The following PCDHAC1 variants were observed in gnomAD, a reference collection of about 807,000 sequenced individuals.
The protein encoded by PCDHAC1 is protocadherin alpha-C1.
PCDHAC1 carries 42 observed loss-of-function variants against 60.0 expected under a neutral mutation model. The observed-to-expected ratio is 0.70, with a 90% CI of 0.55 to 0.90. PCDHAC1 has a LOEUF of 0.90. PCDHAC1 is among the 40% of genes least tolerant of loss of function. The pLI is 0.00. For missense variants in PCDHAC1, 1,160 were observed against 1,222.3 expected, an observed-to-expected ratio of 0.95 and a Z score of 0.76; for synonymous variants, 468 against 499.3, an observed-to-expected ratio of 0.94 and a Z score of 0.84.
rs782548172 is a variant in PCDHAC1, at chr5:140,927,172, G to A, written c.280G>A (p.Val94Ile). The change falls in exon 1 of 4, where the codon GTC becomes ATC. Residue 94 changes from valine to isoleucine, a missense_variant. By Grantham distance (29) the Val-to-Ile change is conservative. Coordinates refer to ENST00000253807, the MANE Select transcript of PCDHAC1 (RefSeq NM_018898.5). Reference sequence around the variant, plus strand: ...GCTGTGCAGGGCCAAAGCTGCCTGCGTCTTGACCTACGACCTGGTGCTCGA... The same window carrying A: ...GCTGTGCAGGGCCAAAGCTGCCTGCATCTTGACCTACGACCTGGTGCTCGA... Reference protein sequence around the residue: ...EQLCRAKAACVLTYDLVLEDP... With the variant: ...EQLCRAKAACILTYDLVLEDP... The A allele has an allele frequency of 4.3e-6, 7 of 1,614,034 alleles. No individual in the cohort carries two copies. The highest frequency in any genetic ancestry group is 4.5e-5 in the East Asian group (2 of 44,880).
At chr5:141,009,463 A>C in intron 3 of PCDHAC1, 164 bp from the exon 4 acceptor site, 1 of 954,884 alleles carries the variant, frequency 1.0e-6, no homozygotes, top group Non-Finnish European at 1.2e-6. Context: ...AAACAAATAA[A>C]TAAATAAGTA....
intron 1 of PCDHAC1, among the ~76,000 whole-genome samples, chr5:140,934,109 A>G (rs2089636629): frequency 6.6e-6 from 1 of 151,948 alleles, no homozygotes; most frequent in Non-Finnish European, 1.5e-5. Flanking sequence ...CTATTTTATT[A>G]ATTTTCATAC....
intron 1 of PCDHAC1, chr5:140,967,401 G>T (rs374310490): frequency 1.2e-6 from 2 of 1,611,944 alleles, no homozygotes; most frequent in Non-Finnish European, 1.7e-6. Flanking sequence ...CTGGTGCTGC[G>T]TAAGGGCCTA....
At chr5:140,956,924 G>A (rs2095321295) in intron 1 of PCDHAC1, among the ~76,000 whole-genome samples, 2 of 151,898 alleles carry the variant, frequency 1.3e-5, no homozygotes, top group Non-Finnish European at 2.9e-5. Flanking sequence ...TAATCTTGCT[G>A]GATATAGGAT....
chr5:140,967,889 C>T, intron 1 of PCDHAC1: 1 of 1,614,146 alleles, frequency 6.2e-7, no homozygotes, highest in Non-Finnish European at 8.5e-7. Context: ...TAGCCCAGTG[C>T]CTGAGAATGC....
At position 140,926,798 on chromosome 5, in the gene PCDHAC1, C is replaced by G; in HGVS notation, c.-95C>G. On this transcript the variant is annotated 5_prime_UTR_variant, in exon 1 of 4. Transcript: ENST00000253807. ...CAGTGACGGCCGGCAGGAGCGTGCT[C>G]TTCCCCGCGGCTCGTGCTCTCCAGG... 2 of 1,455,342 alleles carry G rather than the reference C, an allele frequency of 1.4e-6. No individual in the cohort carries two copies. Among genetic ancestry groups the G allele is most frequent in the Non-Finnish European group, 1.8e-6 (2 of 1,107,008 alleles). The allele number at this position is 1,455,342 out of a possible 1,614,324, so 90.2% of individuals were successfully genotyped here. A position where few individuals can be genotyped will look rare whatever the true frequency, so the allele number is the denominator to read the frequency against.
At chr5:140,977,043 T>G (rs2096743110) in intron 1 of PCDHAC1, among the ~76,000 whole-genome samples, 1 of 152,226 alleles carries the variant, frequency 6.6e-6, no homozygotes. Flanking sequence ...AGGATGTTGT[T>G]GCTGATGGAC....
intron 2 of PCDHAC1, among the ~76,000 whole-genome samples, chr5:140,981,521 C>T (rs894639773): frequency 1.3e-5 from 2 of 152,208 alleles, no homozygotes; most frequent in South Asian, 4.1e-4. Flanking sequence ...TTGCAGTGAG[C>T]TGAGATCGTG....
intron 1 of PCDHAC1, among the ~76,000 whole-genome samples, chr5:140,951,286 T>G (rs537000082): frequency 7.9e-5 from 12 of 152,352 alleles, no homozygotes; most frequent in African/African-American, 2.6e-4. Context: ...TAATTTTGGA[T>G]TATATCTTGA....
intron 3 of PCDHAC1, among the ~76,000 whole-genome samples, chr5:140,994,821 T>C (rs2097651680): frequency 6.6e-6 from 1 of 152,052 alleles, no homozygotes. Flanking sequence ...AAAAACTGAA[T>C]TGTGTAGTCT....
At chr5:140,968,729 A>G (rs1563381706) in intron 1 of PCDHAC1, 1 of 1,614,134 alleles carries the variant, frequency 6.2e-7, no homozygotes, top group Non-Finnish European at 8.5e-7. Flanking sequence ...GAGTGGTAGC[A>G]CTTTCAACCT....
chr5:140,938,226 A>G lies in PCDHAC1; in HGVS notation c.2433+8901A>G, dbSNP rs529190111. On this transcript the variant is annotated intron_variant, in intron 1 of 3. Transcript: ENST00000253807. ...CTCCCAAAGTGCTGGGATTACAGGC[A>G]TAGGCCACCATGCCTGGTCTTTTAA... Among the ~76,000 whole-genome samples the G allele has an allele frequency of 3.3e-5, 5 of 152,330 alleles. No individual in the cohort carries two copies. In the South Asian group the frequency reaches 1.0e-3, roughly 32 times the overall value.
intron 1 of PCDHAC1, among the ~76,000 whole-genome samples, chr5:140,933,667 C>A (rs2089323484): frequency 6.6e-6 from 1 of 151,936 alleles, no homozygotes. Flanking sequence ...CTCTCTCTGT[C>A]TCTCTCACAT....
chr5:140,986,397 C>G (rs943993265), intron 3 of PCDHAC1, among the ~76,000 whole-genome samples: 1 of 152,162 alleles, frequency 6.6e-6, no homozygotes. Context: ...AAGGGCCAGT[C>G]GCTCATGTTA....
rs553616030 is a variant in PCDHAC1 at position 140,929,209 on chromosome 5, G to C, written c.2317G>C (p.Gly773Arg). ...TGATAATAACAGTTTGCTGTTGCGT[G>C]GGGAGTACAATGCTGCCGACCTGCG... ...GSDNNSLLLR[G>R]EYNAADLRNL... is the part of the protein sequence containing the mutation. Residue 773 changes from glycine (G) to arginine (R), a missense_variant, in exon 1 of 4, where the codon GGG (glycine) becomes CGG (arginine). Physicochemically the swap from Gly to Arg is moderately radical, Grantham distance 125. This residue lies in a region of PCDHAC1 where 1,113 missense variants were observed against 1,163.7 expected (regional missense o/e 0.96). Transcript: ENST00000253807. 1.2e-6 allele frequency: 2 copies of C among 1,613,936 alleles called. No homozygotes were observed.
At chr5:140,946,516 C>T (rs551838143) in intron 1 of PCDHAC1, among the ~76,000 whole-genome samples, 42 of 151,130 alleles carry the variant, frequency 2.8e-4, no homozygotes, top group African/African-American at 8.3e-4. Flanking sequence ...AAGACCTATC[C>T]GCACTCCCAT....
intron 3 of PCDHAC1, among the ~76,000 whole-genome samples, chr5:140,994,234 C>A (rs1285846864): frequency 4.6e-5 from 7 of 152,146 alleles, no homozygotes; most frequent in South Asian, 2.1e-4. Flanking sequence ...ATGTTATAAT[C>A]AATTCAAACC....
intron 1 of PCDHAC1, among the ~76,000 whole-genome samples, chr5:140,973,341 C>T (rs1323571061): frequency 6.6e-6 from 1 of 152,124 alleles, no homozygotes; most frequent in African/African-American, 2.4e-5. Flanking sequence ...TGTAAAGTGA[C>T]ATAGTAGTGA....
chr5:140,982,705 T>A, intron 3 of PCDHAC1, 142 bp downstream of exon 3: 1 of 1,376,850 alleles, frequency 7.3e-7, no homozygotes, highest in Non-Finnish European at 9.5e-7. Flanking sequence ...CATGATTTCC[T>A]TACATATATG....
Sources: gnomAD v4.1 joint callset for allele counts (sites outside exome capture counted in the v4.1 genomes callset) on GRCh38, gnomAD v4.1.1 for gene constraint, gnomAD v4.1.1 regional missense constraint, MANE v1.5 for transcripts, NCBI Gene and HGNC (gene_info 2026-07-23, HGNC 2026-07-21) for gene names.